Variants in COL23A1 observed in about 807,000 individuals in gnomAD.
The protein encoded by COL23A1 is collagen type XXIII alpha 1 chain, also known as collagen alpha-1(XXIII) chain.
A neutral mutation model predicts 99.3 loss-of-function variants in COL23A1; 97 were observed. The observed-to-expected ratio is 0.98, with a 90% CI of 0.83 to 1.16. COL23A1 has a LOEUF of 1.16. Among genes scored for constraint, COL23A1 ranks in the 50% most tolerant of loss-of-function variants. The pLI, the probability that COL23A1 is intolerant of heterozygous loss-of-function variation, is 0.00. For missense variants in COL23A1, 762 were observed against 757.4 expected (o/e 1.01, Z -0.07); for synonymous variants, 320 against 308.2 (o/e 1.04, Z -0.40).
intron 2 of COL23A1, among the ~76,000 whole-genome samples, chr5:178,351,765 G>A (rs572161829): frequency 6.6e-6 from 1 of 152,300 alleles, no homozygotes; most frequent in East Asian, 1.9e-4. Flanking sequence ...TTTATATGCG[G>A]AAGCCCCTAG....
intron 4 of COL23A1, 120 bp downstream of exon 4, chr5:178,290,242 A>T: frequency 7.0e-7 from 1 of 1,430,724 alleles, no homozygotes; most frequent in South Asian, 1.2e-5. Flanking sequence ...ACTTTTTAAT[A>T]GGACTGATGT....
chr5:178,311,855 C>T (rs149162722), intron 2 of COL23A1, among the ~76,000 whole-genome samples: 8 of 152,106 alleles, frequency 5.3e-5, no homozygotes, highest in Admixed American at 2.0e-4. Context: ...CTCAGCCTCC[C>T]GAGCTGCTGG....
rs749232129 is a variant in COL23A1, at chr5:178,589,885, C to G, written c.294+19G>C. The G allele has an allele frequency of 1.7e-5, 22 of 1,297,474 alleles. No homozygotes were observed. In the African/African-American group the frequency reaches 3.3e-4, roughly 19 times the overall value. The allele number at this position is 1,297,474 out of a possible 1,614,324, so 80.4% of individuals were successfully genotyped here. On this transcript the variant is annotated intron_variant, in intron 1 of 28. Transcript: ENST00000390654. The surrounding 1 kb of genome is among the most constrained non-coding windows in gnomAD (Gnocchi z 5.4). ...CCGACACACCCAAGTCCGCCCCAGC[C>G]ACGCGCCAAGACGCTCACCTCCCGC...
chr5:178,325,447 C>A lies in COL23A1; in HGVS notation c.362-18528G>T, dbSNP rs116392247. 9.2e-3 allele frequency among the ~76,000 whole-genome samples: 1,394 copies of A among 152,282 alleles called. 5 individuals are homozygous for A. Among genetic ancestry groups the A allele is most frequent in the Non-Finnish European group, 0.015 (1,009 of 68,014 alleles). On this transcript the variant is annotated intron_variant, in intron 2 of 28. Transcript: ENST00000390654. ...CACCTGGCCTGGACATGCTACACCC[C>A]CTGAGCTGTGCTACTCAAGTCTCCA...
chr5:178,502,154 TG>T (rs1180138053), intron 2 of COL23A1, among the ~76,000 whole-genome samples: 1 of 152,176 alleles, frequency 6.6e-6, no homozygotes, highest in Non-Finnish European at 1.5e-5. Context: ...TTTCTTGAGA[TG>T]GAGTCTCGCT....
intron 2 of COL23A1, among the ~76,000 whole-genome samples, chr5:178,432,014 T>A (rs1043298438): frequency 1.3e-5 from 2 of 152,200 alleles, no homozygotes; most frequent in African/African-American, 4.8e-5. Context: ...GATTTACCAG[T>A]TCTGATGCGA....
chr5:178,429,286 C>G (rs967603925), intron 2 of COL23A1, among the ~76,000 whole-genome samples: 1 of 152,150 alleles, frequency 6.6e-6, no homozygotes, highest in Non-Finnish European at 1.5e-5. Flanking sequence ...CACCCCACAC[C>G]ACACCACAGG....
chr5:178,302,527 C>A (rs1191478360), intron 3 of COL23A1, among the ~76,000 whole-genome samples: 1 of 152,200 alleles, frequency 6.6e-6, no homozygotes, highest in Non-Finnish European at 1.5e-5. Flanking sequence ...CACATTACAA[C>A]TCTGCCTTTG....
intron 2 of COL23A1, among the ~76,000 whole-genome samples, chr5:178,377,571 A>G (rs1242010553): frequency 6.6e-6 from 1 of 152,180 alleles, no homozygotes; most frequent in Non-Finnish European, 1.5e-5. Context: ...AGGATCCTCA[A>G]GCCTAACTTC....
chr5:178,267,225 C>T lies in COL23A1; in HGVS notation c.522+82G>A. The T allele has an allele frequency of 2.0e-6, 3 of 1,467,034 alleles. No homozygotes were observed. In the South Asian group the frequency reaches 3.4e-5, roughly 17 times the overall value. 90.9% of individuals were successfully genotyped at this position (1,467,034 alleles called of 1,614,324 possible). ...TGTGATGAGCTGCGGGGAGCTGGGA[C>T]CCAGAAGCAGCGCCAGTTATGCCTC... On this transcript the variant is annotated intron_variant, in intron 8 of 28. Transcript: ENST00000390654.
intron 2 of COL23A1, among the ~76,000 whole-genome samples, chr5:178,537,488 G>A (rs950152857): frequency 6.6e-6 from 1 of 152,246 alleles, no homozygotes; most frequent in Non-Finnish European, 1.5e-5. Flanking sequence ...GTCCACAGAT[G>A]CCTGGGACTG....
At chr5:178,379,076 C>T (rs1763233100) in intron 2 of COL23A1, among the ~76,000 whole-genome samples, 1 of 152,092 alleles carries the variant, frequency 6.6e-6, no homozygotes, top group African/African-American at 2.4e-5. Context: ...GTTATGGGAG[C>T]TGCCCCAGAA....
At chr5:178,352,277 G>A (rs965659077) in intron 2 of COL23A1, 7 of 152,182 alleles carry the variant, frequency 4.6e-5, no homozygotes, top group African/African-American at 7.2e-5. Context: ...ACACCTTAGC[G>A]CTTTGGATCT....
chr5:178,442,775 C>T (rs746003059), intron 2 of COL23A1, among the ~76,000 whole-genome samples: 2 of 152,186 alleles, frequency 1.3e-5, no homozygotes, highest in African/African-American at 4.8e-5. Context: ...TACTCCCCCT[C>T]GCCACCCCTG....
rs1415149274 is a variant in COL23A1, at chr5:178,393,623, CATCA to C, written c.362-86708_362-86705del. On this transcript the variant is annotated intron_variant, in intron 2 of 28. Coordinates refer to ENST00000390654, the MANE Select transcript of COL23A1 (RefSeq NM_173465.4). ...CATGTGGAAGGAAATTGATAAAAATCATCAATCAAGACTCTCTTCCCTCTTTTCC... is the reference window on the plus strand; with the variant it reads ...CATGTGGAAGGAAATTGATAAAAATCATCAAGACTCTCTTCCCTCTTTTCC... 6.6e-5 allele frequency among the ~76,000 whole-genome samples: 10 copies of C among 151,730 alleles called. No homozygotes were observed. In the East Asian group the frequency reaches 1.9e-3, roughly 29 times the overall value.
At chr5:178,502,829 T>A (rs918378117) in intron 2 of COL23A1, among the ~76,000 whole-genome samples, 2 of 152,142 alleles carry the variant, frequency 1.3e-5, no homozygotes, top group Non-Finnish European at 2.9e-5. Flanking sequence ...CACTGTTTAC[T>A]GTAACAAAAA....
At position 178,310,144 on chromosome 5, in the gene COL23A1, C is replaced by T. The variant is rs190543191; in HGVS notation, c.362-3225G>A. ...CTTTCCCGGACTGCGAGAAGACAGG[C>T]GGTGAGGCCCTGGGAGAGGGCGAGT... is the stretch of plus-strand genomic sequence containing the variant. On this transcript the variant is annotated intron_variant, in intron 2 of 28. Coordinates refer to ENST00000390654, the MANE Select transcript of COL23A1 (RefSeq NM_173465.4). This position sits in a 1 kb window ranked among gnomAD's most constrained non-coding sequence, Gnocchi z 4.3. Among the ~76,000 whole-genome samples the T allele has an allele frequency of 9.8e-5, 15 of 152,358 alleles. No homozygotes were observed. In the East Asian group the frequency reaches 1.3e-3, roughly 14 times the overall value.
chr5:178,306,437 G>C lies in COL23A1; in HGVS notation c.406+438C>G, dbSNP rs1758356770. On this transcript the variant is annotated intron_variant, in intron 3 of 28. Transcript: ENST00000390654. This position sits in a 1 kb window ranked among gnomAD's most constrained non-coding sequence, Gnocchi z 4.1. ...GTGCCTCTGTGGGCTGCAGGGAAGG[G>C]AGGTGGGGGAGTCTCCTCCTGGCGG... Among the ~76,000 whole-genome samples the C allele has an allele frequency of 6.6e-6, 1 of 152,018 alleles. No individual in the cohort carries two copies. Among genetic ancestry groups the C allele is most frequent in the Admixed American group, 6.5e-5 (1 of 15,276 alleles).
intron 2 of COL23A1, among the ~76,000 whole-genome samples, chr5:178,320,291 C>A (rs1212879521): frequency 2.6e-5 from 4 of 152,188 alleles, no homozygotes; most frequent in African/African-American, 9.7e-5. Flanking sequence ...AGTGGGGACC[C>A]CAAGGTGTTG....
Sources: gnomAD v4.1 joint callset for allele counts (sites outside exome capture counted in the v4.1 genomes callset) on GRCh38, gnomAD v4.1.1 for gene constraint, Gnocchi (gnomAD v3.1) non-coding constraint, MANE v1.5 for transcripts, NCBI Gene and HGNC (gene_info 2026-07-23, HGNC 2026-07-21) for gene names.